LMO7: variants seen among roughly 807,000 people sequenced by gnomAD.
LMO7 encodes the protein LIM domain only protein 7.
In LMO7, 120 loss-of-function variants were observed where a neutral mutation model predicts 206.5. The ratio of observed to expected loss-of-function variants is 0.58; its 90% confidence interval spans 0.50 to 0.68. The LOEUF is 0.68. LMO7 is among the 30% of genes least tolerant of loss of function. LMO7 has a pLI of 0.00. For synonymous variants in LMO7, 706 were observed against 681.5 expected, an observed-to-expected ratio of 1.04 and a Z score of -0.56; for missense variants, 1,959 against 1,957.9, an observed-to-expected ratio of 1.00 and a Z score of -0.01.
At chr13:75,626,952 A>C (rs2034275141) in intron 2 of LMO7, 1 of 152,116 alleles carries the variant, frequency 6.6e-6, no homozygotes. Flanking sequence ...TTTTGAAGCT[A>C]AAATATTACT....
chr13:75,653,408 G>A (rs1158443700), intron 1 of LMO7, among the ~76,000 whole-genome samples: 1 of 152,160 alleles, frequency 6.6e-6, no homozygotes, highest in Non-Finnish European at 1.5e-5. Context: ...GAGAATAACA[G>A]TTTTGTGCCA....
At chr13:75,830,573 C>T (rs1166545643) in intron 15 of LMO7, among the ~76,000 whole-genome samples, 1 of 152,206 alleles carries the variant, frequency 6.6e-6, no homozygotes, top group Non-Finnish European at 1.5e-5. Context: ...ACTAACACAA[C>T]ACTCTGCCTG....
chr13:75,679,668 C>A (rs975176405), intron 1 of LMO7, among the ~76,000 whole-genome samples: 2 of 152,152 alleles, frequency 1.3e-5, no homozygotes, highest in African/African-American at 4.8e-5. Context: ...GCAGCCTTGA[C>A]CTCCTGGACT....
intron 1 of LMO7, among the ~76,000 whole-genome samples, chr13:75,709,986 G>A (rs1860544542): frequency 6.6e-6 from 1 of 152,162 alleles, no homozygotes. Flanking sequence ...TAAGGTGTAA[G>A]GAAGGGATCC....
chr13:75,852,147 A>T (rs975334409), intron 27 of LMO7, among the ~76,000 whole-genome samples: 3 of 152,240 alleles, frequency 2.0e-5, no homozygotes, highest in African/African-American at 7.2e-5. Flanking sequence ...TAGACTTAGT[A>T]GAGTATTAGC....
intron 1 of LMO7, among the ~76,000 whole-genome samples, chr13:75,681,714 A>ATATG (rs1390671278): frequency 5.4e-5 from 6 of 111,404 alleles, no homozygotes; most frequent in South Asian, 3.0e-4. Context: ...GTGTATATAT[A>ATATG]TATGTATATA....
intron 3 of LMO7, among the ~76,000 whole-genome samples, chr13:75,745,231 G>A (rs778388551): frequency 2.0e-5 from 3 of 152,160 alleles, no homozygotes. Context: ...AAGTAGTCAA[G>A]TGAGGCTGTT....
At chr13:75,826,030 T>C (rs941514934) in intron 15 of LMO7, among the ~76,000 whole-genome samples, 3 of 152,126 alleles carry the variant, frequency 2.0e-5, no homozygotes, top group African/African-American at 7.2e-5. Flanking sequence ...CTTTCTTTTT[T>C]TAAAAATTAA....
Position 75,636,597 on chromosome 13 carries a change from G to T in LMO7, c.-61G>T, listed in dbSNP as rs946810481. The T allele has an allele frequency of 1.5e-5, 23 of 1,543,310 alleles. 2 individuals are homozygous for T. In the South Asian group the frequency reaches 2.1e-4, roughly 14 times the overall value. ...CTCCCCGCCCGTGGGGCCCAGACGCGCGGGGACAACCCCTCCCCTCCACGC... is the reference window on the plus strand; with the variant it reads ...CTCCCCGCCCGTGGGGCCCAGACGCTCGGGGACAACCCCTCCCCTCCACGC... On this transcript the variant is annotated 5_prime_UTR_variant, in exon 1 of 31. Coordinates refer to ENST00000377534, the MANE Select transcript of LMO7 (RefSeq NM_001306080.2).
At chr13:75,767,979 T>A (rs904262739) in intron 4 of LMO7, among the ~76,000 whole-genome samples, 7 of 152,104 alleles carry the variant, frequency 4.6e-5, no homozygotes, top group Non-Finnish European at 7.4e-5. Context: ...TAGACAGTTG[T>A]AATTGCTCTT....
At chr13:75,817,465 A>G (rs2057145045) in intron 12 of LMO7, among the ~76,000 whole-genome samples, 187 bp downstream of exon 12, 1 of 152,154 alleles carries the variant, frequency 6.6e-6, no homozygotes, top group Non-Finnish European at 1.5e-5. Flanking sequence ...CATATTTTAA[A>G]GGCCATTGTG....
chr13:75,827,313 GGTGTTCCCTA>G (rs1158986904), intron 15 of LMO7, among the ~76,000 whole-genome samples: 2 of 152,140 alleles, frequency 1.3e-5, no homozygotes, highest in Non-Finnish European at 2.9e-5. Context: ...TAAGCACTAT[GGTGTTCCCTA>G]GAGTTATTTT....
chr13:75,741,919 AAG>A (rs2046442841), intron 3 of LMO7, among the ~76,000 whole-genome samples: 1 of 152,176 alleles, frequency 6.6e-6, no homozygotes, highest in African/African-American at 2.4e-5. Context: ...TCCAAATAGA[AAG>A]AGAGGAAGTC....
At chr13:75,803,750 A>C (rs2055074850) in intron 7 of LMO7, among the ~76,000 whole-genome samples, 1 of 152,082 alleles carries the variant, frequency 6.6e-6, no homozygotes, top group East Asian at 1.9e-4. Context: ...GAAGTCATCC[A>C]GTCCAGCCTC....
intron 1 of LMO7, among the ~76,000 whole-genome samples, chr13:75,695,586 C>G (rs1271641718): frequency 2.0e-5 from 3 of 152,222 alleles, no homozygotes; most frequent in Non-Finnish European, 4.4e-5. Flanking sequence ...ACCTCGTGAT[C>G]TGCCCGCCTT....
At chr13:75,839,870 T>C (rs183125501) in intron 20 of LMO7, 2 of 499,284 alleles carry the variant, frequency 4.0e-6, no homozygotes, top group Non-Finnish European at 7.1e-6. Flanking sequence ...ATCTGTATCT[T>C]CCTTTTACTA....
chr13:75,812,529 C>T (rs2056515934), intron 11 of LMO7, among the ~76,000 whole-genome samples: 1 of 151,386 alleles, frequency 6.6e-6, no homozygotes, highest in Admixed American at 6.6e-5. Flanking sequence ...TGGTTCTTTT[C>T]GATCCTTACT....
At chr13:75,647,724 C>A (rs1381915259) in intron 1 of LMO7, among the ~76,000 whole-genome samples, 1 of 152,066 alleles carries the variant, frequency 6.6e-6, no homozygotes, top group Non-Finnish European at 1.5e-5. Flanking sequence ...TTATTGAGAA[C>A]AGGAAAGTTT....
intron 1 of LMO7, among the ~76,000 whole-genome samples, chr13:75,665,753 C>T (rs978679881): frequency 2.0e-5 from 3 of 152,176 alleles, no homozygotes; most frequent in African/African-American, 7.2e-5. Flanking sequence ...TCTCAAACTC[C>T]TGACCTCAGG....
Sources: gnomAD v4.1 joint callset for allele counts (sites outside exome capture counted in the v4.1 genomes callset) on GRCh38, gnomAD v4.1.1 for gene constraint, MANE v1.5 for transcripts, NCBI Gene and HGNC (gene_info 2026-07-23, HGNC 2026-07-21) for gene names.